Variants in CNTN5 observed in about 807,000 individuals in gnomAD.
The protein encoded by CNTN5 is contactin-5.
A neutral mutation model predicts 129.1 loss-of-function variants in CNTN5; 77 were observed. That is an observed-to-expected ratio of 0.60 (90% confidence interval 0.50 to 0.72). The LOEUF (loss-of-function observed/expected upper bound fraction) is 0.72. Ranked by LOEUF, CNTN5 falls within the 30% of genes least tolerant of loss-of-function variation. The pLI, the probability that CNTN5 is intolerant of heterozygous loss-of-function variation, is 0.00. For missense variants in CNTN5, 1,478 were observed against 1,328.8 expected (o/e 1.11, Z -1.75); for synonymous variants, 509 against 465.6 (o/e 1.09, Z -1.20).
At chr11:99,209,312 T>G (rs1859646088) in intron 1 of CNTN5, among the ~76,000 whole-genome samples, 1 of 152,144 alleles carries the variant, frequency 6.6e-6, no homozygotes, top group Admixed American at 6.5e-5. Flanking sequence ...TCACGGTTCT[T>G]CAGGCTGTAC....
At chr11:100,123,978 A>G (rs1591283674) in intron 13 of CNTN5, among the ~76,000 whole-genome samples, 1 of 152,036 alleles carries the variant, frequency 6.6e-6, no homozygotes, top group East Asian at 1.9e-4. Context: ...GAATGTCTTT[A>G]GGGTATATCA....
intron 3 of CNTN5, among the ~76,000 whole-genome samples, chr11:99,742,286 T>C (rs1319056478): frequency 6.6e-6 from 1 of 152,178 alleles, no homozygotes; most frequent in Non-Finnish European, 1.5e-5. Context: ...GCAATGCTTA[T>C]CATGTAGAAA....
intron 3 of CNTN5, among the ~76,000 whole-genome samples, chr11:99,614,724 C>T (rs1950704589): frequency 6.6e-6 from 1 of 152,166 alleles, no homozygotes; most frequent in Non-Finnish European, 1.5e-5. Flanking sequence ...TGTTGTGAGG[C>T]TGGAACTGTG....
At chr11:99,475,395 G>T (rs1945332572) in intron 2 of CNTN5, among the ~76,000 whole-genome samples, 1 of 152,092 alleles carries the variant, frequency 6.6e-6, no homozygotes, top group Non-Finnish European at 1.5e-5. Context: ...CTCAGTTCCA[G>T]GTATTCTGTT....
intron 3 of CNTN5, among the ~76,000 whole-genome samples, chr11:99,611,673 C>T (rs1412164751): frequency 2.0e-5 from 3 of 152,024 alleles, no homozygotes; most frequent in African/African-American, 7.2e-5. Context: ...ATAATCAACC[C>T]AAGTAGTTGA....
intron 13 of CNTN5, among the ~76,000 whole-genome samples, chr11:100,155,827 A>C (rs1256012744): frequency 6.6e-6 from 1 of 151,912 alleles, no homozygotes; most frequent in Non-Finnish European, 1.5e-5. Flanking sequence ...GTGTATAAGA[A>C]TGCTTGTGAT....
chr11:100,159,085 A>T (rs189829404), intron 13 of CNTN5, among the ~76,000 whole-genome samples: 5 of 152,036 alleles, frequency 3.3e-5, no homozygotes, highest in Admixed American at 3.3e-4. Context: ...CATACTGTGC[A>T]ATTCTATTCA....
chr11:99,066,946 G>T (rs1407181992), intron 1 of CNTN5, among the ~76,000 whole-genome samples: 5 of 152,078 alleles, frequency 3.3e-5, no homozygotes, highest in African/African-American at 1.2e-4. Context: ...GACCAATCCA[G>T]GGGCTTTCAT....
At chr11:100,005,747 C>T (rs999196364) in intron 9 of CNTN5, among the ~76,000 whole-genome samples, 7 of 152,032 alleles carry the variant, frequency 4.6e-5, no homozygotes, top group Admixed American at 4.6e-4. Context: ...TCTATAGAAG[C>T]TAGGGCAAAG....
At chr11:100,037,708 T>C (rs1942102529) in intron 9 of CNTN5, among the ~76,000 whole-genome samples, 1 of 152,234 alleles carries the variant, frequency 6.6e-6, no homozygotes, top group Non-Finnish European at 1.5e-5. Flanking sequence ...AGGATGTATG[T>C]GTTGAGGAAT....
intron 1 of CNTN5, among the ~76,000 whole-genome samples, chr11:99,090,848 C>A (rs1866216231): frequency 6.6e-6 from 1 of 151,662 alleles, no homozygotes; most frequent in Middle Eastern, 3.4e-3. Context: ...CGGTGAAACC[C>A]CGTCTCTACT....
At chr11:99,068,276 A>G (rs1865186794) in intron 1 of CNTN5, among the ~76,000 whole-genome samples, 1 of 152,208 alleles carries the variant, frequency 6.6e-6, no homozygotes, top group East Asian at 1.9e-4. Context: ...CAACAATTGC[A>G]ATTATAATGT....
intron 1 of CNTN5, among the ~76,000 whole-genome samples, chr11:99,130,816 A>G (rs1263851250): frequency 6.6e-6 from 1 of 152,130 alleles, no homozygotes; most frequent in Non-Finnish European, 1.5e-5. Context: ...CCAACTCAAA[A>G]CCACACAACT....
At chr11:99,170,237 C>T (rs1026022696) in intron 1 of CNTN5, among the ~76,000 whole-genome samples, 1 of 152,150 alleles carries the variant, frequency 6.6e-6, no homozygotes, top group Non-Finnish European at 1.5e-5. Flanking sequence ...ATTCTGTCAG[C>T]AATCCTATGA....
At chr11:99,063,788 G>T (rs1409505609) in intron 1 of CNTN5, among the ~76,000 whole-genome samples, 1 of 151,976 alleles carries the variant, frequency 6.6e-6, no homozygotes, top group African/African-American at 2.4e-5. Flanking sequence ...GTTTTGTTAA[G>T]AAAAATAAAT....
At chr11:100,000,763 C>G (rs1196988380) in intron 8 of CNTN5, among the ~76,000 whole-genome samples, 2 of 152,196 alleles carry the variant, frequency 1.3e-5, no homozygotes, top group African/African-American at 4.8e-5. Context: ...TCCATACACC[C>G]TTGAAATCTA....
chr11:100,338,236 G>T (rs1392182498), intron 21 of CNTN5, among the ~76,000 whole-genome samples: 6 of 152,110 alleles, frequency 3.9e-5, no homozygotes, highest in African/African-American at 1.4e-4. Context: ...GTTGGTTAAG[G>T]TTCTTAATAT....
chr11:99,227,917 C>T (rs961834482), intron 1 of CNTN5, among the ~76,000 whole-genome samples: 3 of 151,992 alleles, frequency 2.0e-5, no homozygotes, highest in African/African-American at 4.8e-5. Context: ...TTGATTTATA[C>T]GCACTATTGA....
chr11:100,068,138 A>G (rs759726628), intron 10 of CNTN5, among the ~76,000 whole-genome samples: 4 of 152,162 alleles, frequency 2.6e-5, no homozygotes, highest in Non-Finnish European at 4.4e-5. Context: ...ATCAGTTATT[A>G]TAGGTAGGAC....
Sources: gnomAD v4.1 joint callset for allele counts (sites outside exome capture counted in the v4.1 genomes callset) on GRCh38, gnomAD v4.1.1 for gene constraint, MANE v1.5 for transcripts, NCBI Gene and HGNC (gene_info 2026-07-23, HGNC 2026-07-21) for gene names.